UGT1A4: variants seen among roughly 807,000 people sequenced by gnomAD.
UGT1A4 encodes UDP-glucuronosyltransferase 1A4.
A neutral mutation model predicts 41.1 loss-of-function variants in UGT1A4; 32 were observed. The observed-to-expected ratio is 0.78, with a 90% CI of 0.59 to 1.05. The LOEUF is 1.05. Among genes scored for constraint, UGT1A4 ranks in the 50% least tolerant of loss-of-function variants. The pLI, the probability that UGT1A4 is intolerant of heterozygous loss-of-function variation, is 0.00. For synonymous variants in UGT1A4, 283 were observed against 265.1 expected (o/e 1.07, Z -0.66); for missense variants, 748 against 677.4 (o/e 1.10, Z -1.16).
chr2:233,757,535 A>AATATATATACATATACATATATAT lies in UGT1A4; in HGVS notation c.868-9490_868-9489insCATATACATATATATATATATATA, dbSNP rs376887521. Among the ~76,000 whole-genome samples, 332 of 87,516 alleles carry AATATATATACATATACATATATAT rather than the reference A, an allele frequency of 3.8e-3. 5 individuals are homozygous for AATATATATACATATACATATATAT. Among genetic ancestry groups the AATATATATACATATACATATATAT allele is most frequent in the Middle Eastern group, 0.012 (2 of 168 alleles). The allele number at this position is 87,516 out of a possible 152,430, so 57.4% of individuals were successfully genotyped here. A position where few individuals can be genotyped will look rare whatever the true frequency, so the allele number is the denominator to read the frequency against. Reference sequence around the variant, plus strand: ...CAAAGCCAAAATCTTGCCTGTAAGGAATATATATATATATATATATATATA... The same window carrying AATATATATACATATACATATATAT: ...CAAAGCCAAAATCTTGCCTGTAAGGAATATATATACATATACATATATATATATATATATATATATATATATATA... On this transcript the variant is annotated intron_variant, in intron 1 of 4. Transcript: ENST00000373409.
In UGT1A4 at chr2:233,772,377, C is replaced by T. The variant is rs72551359; in HGVS notation, c.1423C>T (p.Leu475=). The T allele has an allele frequency of 6.2e-7, 1 of 1,614,256 alleles. No homozygotes were observed. Among genetic ancestry groups the T allele is most frequent in the Non-Finnish European group, 8.5e-7 (1 of 1,180,050 alleles). The change falls in exon 5 of 5, where the codon CTG becomes TTG. Residue 475 remains leucine (L), a synonymous_variant. Coordinates refer to ENST00000373409, the MANE Select transcript of UGT1A4 (RefSeq NM_007120.3). The stretch of plus-strand genomic sequence containing the variant: ...GATGAGGCACAAGGGCGCGCCACAC[C>T]TGCGCCCCGCAGCCCACGACCTCAC... ...FVMRHKGAPH[L]RPAAHDLTWY...
chr2:233,722,310 C>T (rs1175597546), intron 1 of UGT1A4, among the ~76,000 whole-genome samples: 2 of 152,156 alleles, frequency 1.3e-5, no homozygotes, highest in Non-Finnish European at 2.9e-5. Context: ...CCCTTACTTA[C>T]TTGGTTTGGT....
At position 233,772,407 on chromosome 2, in the gene UGT1A4, T is replaced by C. The variant is rs770903084; in HGVS notation, c.1453T>C (p.Tyr485His). The C allele has an allele frequency of 7.5e-5, 121 of 1,614,104 alleles. No individual in the cohort carries two copies. Among genetic ancestry groups the C allele is most frequent in the Non-Finnish European group, 9.9e-5 (117 of 1,180,046 alleles). ...CCCCGCAGCCCACGACCTCACCTGG[T>C]ACCAGTACCATTCCTTGGACGTGAT... The part of the protein sequence containing the change: ...LRPAAHDLTW[Y>H]QYHSLDVIGF... Residue 485 changes from tyrosine to histidine, a missense_variant, in exon 5 of 5, where the codon TAC becomes CAC. Transcript: ENST00000373409.
At chr2:233,738,611 A>C (rs1411128815) in intron 1 of UGT1A4, among the ~76,000 whole-genome samples, 2 of 152,250 alleles carry the variant, frequency 1.3e-5, no homozygotes, top group Admixed American at 6.5e-5. Flanking sequence ...TTAGCAAAGA[A>C]ACTCGTGGCA....
intron 1 of UGT1A4, chr2:233,752,598 T>G (rs1695013249): frequency 6.6e-6 from 1 of 152,212 alleles, no homozygotes. Flanking sequence ...CAAGATTTTT[T>G]TTAAAAAAAC....
rs2125663221 is a variant in UGT1A4 at position 233,718,866 on chromosome 2, C to G, written c.46C>G (p.Leu16Val). 8 of 1,613,892 alleles carry G rather than the reference C, an allele frequency of 5.0e-6. No homozygotes were observed. The highest frequency in any genetic ancestry group is 1.1e-5 in the South Asian group (1 of 91,056). ...QVPLPRLATG[L>V]LLLLSVQPWA... ...TCCCCTGCCGCGGCTGGCCACAGGA[C>G]TGCTGCTCCTCCTCAGTGTCCAGCC... The change falls in exon 1 of 5, where the codon CTG (leucine) becomes GTG (valine). Residue 16 changes from leucine to valine, a missense_variant. Coordinates refer to ENST00000373409, the MANE Select transcript of UGT1A4 (RefSeq NM_007120.3).
chr2:233,767,071 G>T lies in UGT1A4; in HGVS notation c.905G>T (p.Gly302Val). 6.2e-7 allele frequency: 1 copy of T among 1,614,098 alleles called. No homozygotes were observed. ...TACATTAATGCTTCTGGAGAACATG[G>T]AATTGTGGTTTTCTCTTTGGGATCA... ...EAYINASGEH[G>V]IVVFSLGSMV... The change falls in exon 2 of 5, where the codon GGA becomes GTA. Residue 302 changes from glycine (G) to valine (V), a missense_variant. Gly to Val is a moderately radical substitution (Grantham distance 109). Coordinates refer to ENST00000373409, the MANE Select transcript of UGT1A4 (RefSeq NM_007120.3).
chr2:233,723,591 A>C (rs1372709718), intron 1 of UGT1A4, among the ~76,000 whole-genome samples: 1 of 104,916 alleles, frequency 9.5e-6, no homozygotes, highest in Non-Finnish European at 1.8e-5. Context: ...GGGATTTGGC[A>C]GGGTCATGGG....
At chr2:233,752,938 T>A (rs1691143472) in intron 1 of UGT1A4, among the ~76,000 whole-genome samples, 2 of 152,262 alleles carry the variant, frequency 1.3e-5, no homozygotes, top group South Asian at 4.1e-4. Flanking sequence ...CACTCTTTGC[T>A]GACCACTGAA....
At chr2:233,724,277 C>G (rs1162056701) in intron 1 of UGT1A4, among the ~76,000 whole-genome samples, 11 of 115,820 alleles carry the variant, frequency 9.5e-5, no homozygotes, top group African/African-American at 3.2e-4. Context: ...GGCGGCTGGC[C>G]GGGCGGGGGG....
At chr2:233,753,157 T>C (rs1695143636) in intron 1 of UGT1A4, 2 of 152,228 alleles carry the variant, frequency 1.3e-5, no homozygotes, top group African/African-American at 2.4e-5. Context: ...TAAGTTCCCT[T>C]ATCCGGATCA....
rs1700539683 is a variant in UGT1A4 at position 233,772,631 on chromosome 2, T to C, written c.*72T>C. ...TTTCCAAACTTGAAAACAGAATCAG[T>C]GTTAAATTCATTTTATTCTTATTAA... On this transcript the variant is annotated 3_prime_UTR_variant, in exon 5 of 5. Coordinates refer to ENST00000373409, the MANE Select transcript of UGT1A4 (RefSeq NM_007120.3). 1.2e-5 allele frequency: 19 copies of C among 1,558,348 alleles called. No individual in the cohort carries two copies. The South Asian group carries it at 2.2e-4, about 18-fold the overall frequency.
At chr2:233,733,588 G>A (rs965491373) in intron 1 of UGT1A4, among the ~76,000 whole-genome samples, 3 of 152,178 alleles carry the variant, frequency 2.0e-5, no homozygotes, top group African/African-American at 7.2e-5. Flanking sequence ...CATTGGTTCT[G>A]TTTATGTGAT....
chr2:233,768,231 A>G lies in UGT1A4; in HGVS notation c.1099A>G (p.Thr367Ala). The G allele has an allele frequency of 5.6e-6, 9 of 1,614,162 alleles. No homozygotes were observed. The highest frequency in any genetic ancestry group is 7.6e-6 in the Non-Finnish European group (9 of 1,180,044). Reference sequence around the variant, plus strand: ...ATTTTGCATCTCAGGTCACCCGATGACCCGTGCCTTTATCACCCATGCTGG... The same window carrying G: ...ATTTTGCATCTCAGGTCACCCGATGGCCCGTGCCTTTATCACCCATGCTGG... ...PQNDLLGHPMTRAFITHAGSH... is the reference protein window; with the variant it reads ...PQNDLLGHPMARAFITHAGSH... The change falls in exon 4 of 5, where the codon ACC becomes GCC. Residue 367 changes from threonine (T) to alanine (A), a missense_variant. By Grantham distance (58) the Thr-to-Ala change is moderately conservative. Coordinates refer to ENST00000373409, the MANE Select transcript of UGT1A4 (RefSeq NM_007120.3).
chr2:233,745,785 G>T (rs902358677), intron 1 of UGT1A4, among the ~76,000 whole-genome samples: 5 of 150,990 alleles, frequency 3.3e-5, no homozygotes, highest in Admixed American at 1.3e-4. Flanking sequence ...CTTAGACAGG[G>T]GGGCTGGGGT....
In UGT1A4 at chr2:233,757,560, A is replaced by ATATG. The variant is rs904896556; in HGVS notation, c.868-9473_868-9472insATGT. On this transcript the variant is annotated intron_variant, in intron 1 of 4. Transcript: ENST00000373409. The stretch of plus-strand genomic sequence containing the variant: ...AATATATATATATATATATATATAT[A>ATATG]TGTATATATGATATAGCTATAGTCT... 2.4e-4 allele frequency among the ~76,000 whole-genome samples: 29 copies of ATATG among 123,152 alleles called. 1 individual carries two copies. The highest frequency in any genetic ancestry group is 9.5e-4 in the African/African-American group (28 of 29,358). 80.8% of individuals were successfully genotyped at this position (123,152 alleles called of 152,430 possible). A position where few individuals can be genotyped will look rare whatever the true frequency, so the allele number is the denominator to read the frequency against.
chr2:233,754,759 C>T lies in UGT1A4; in HGVS notation c.868-12275C>T, dbSNP rs188420016. 6.3e-5 allele frequency: 56 copies of T among 893,964 alleles called. No individual in the cohort carries two copies. In the African/African-American group the frequency reaches 8.1e-4, roughly 13 times the overall value. 55.4% of individuals were successfully genotyped at this position (893,964 alleles called of 1,614,324 possible). On this transcript the variant is annotated intron_variant, in intron 1 of 4. Transcript: ENST00000373409. ...TAGGACATGCAGAAGGAAGAAAGGCCCCCACTTCCCAGGGAGCCAAAGGAA... is the reference window on the plus strand; with the variant it reads ...TAGGACATGCAGAAGGAAGAAAGGCTCCCACTTCCCAGGGAGCCAAAGGAA...
intron 1 of UGT1A4, chr2:233,755,375 G>A (rs1695890157): frequency 5.6e-6 from 2 of 355,636 alleles, no homozygotes; most frequent in South Asian, 4.5e-5. Context: ...CTGGAGGGCC[G>A]CCCCTTATGA....
At chr2:233,726,576 C>A (rs1575567713) in intron 1 of UGT1A4, among the ~76,000 whole-genome samples, 1 of 152,154 alleles carries the variant, frequency 6.6e-6, no homozygotes, top group East Asian at 1.9e-4. Flanking sequence ...CGCCTGTCTC[C>A]TTCACTTGTA....
Sources: gnomAD v4.1 joint callset for allele counts (sites outside exome capture counted in the v4.1 genomes callset) on GRCh38, gnomAD v4.1.1 for gene constraint, MANE v1.5 for transcripts, NCBI Gene and HGNC (gene_info 2026-07-23, HGNC 2026-07-21) for gene names.